The following TMEM108 variants were observed in gnomAD, a reference collection of about 807,000 sequenced individuals.
TMEM108 encodes the protein cancer/testis antigen 124.
In TMEM108, 12 loss-of-function variants were observed where a neutral mutation model predicts 35.1. The ratio of observed to expected loss-of-function variants is 0.34; its 90% CI spans 0.22 to 0.55. The LOEUF (loss-of-function observed/expected upper bound fraction) is 0.55. Among genes scored for constraint, TMEM108 ranks in the 20% least tolerant of loss-of-function variants. The pLI, the probability that TMEM108 is intolerant of heterozygous loss-of-function variation, is 0.89. For missense variants in TMEM108, 680 were observed against 753.3 expected, an observed-to-expected ratio of 0.90 and a Z score of 1.14; for synonymous variants, 287 against 308.6, an observed-to-expected ratio of 0.93 and a Z score of 0.73.
intron 2 of TMEM108, among the ~76,000 whole-genome samples, chr3:133,191,270 C>G (rs540600759): frequency 1.3e-5 from 2 of 152,220 alleles, no homozygotes; most frequent in South Asian, 2.1e-4. Context: ...ACAGTCCCCT[C>G]CAGAGCCTTA....
At chr3:133,289,796 C>G (rs537727616) in intron 3 of TMEM108, among the ~76,000 whole-genome samples, 1 of 152,158 alleles carries the variant, frequency 6.6e-6, no homozygotes, top group East Asian at 1.9e-4. Context: ...TGGACCTAAC[C>G]AAGGGCCACT....
At chr3:133,364,779 C>T (rs1022814399) in intron 3 of TMEM108, among the ~76,000 whole-genome samples, 4 of 152,208 alleles carry the variant, frequency 2.6e-5, no homozygotes, top group Admixed American at 6.5e-5. Flanking sequence ...TGTGGCAGAC[C>T]TGGTTCCCAG....
At chr3:133,334,064 G>C (rs2071442882) in intron 3 of TMEM108, among the ~76,000 whole-genome samples, 1 of 152,050 alleles carries the variant, frequency 6.6e-6, no homozygotes, top group African/African-American at 2.4e-5. Flanking sequence ...TCATTTTGCA[G>C]GTCCAAAGAA....
At position 133,380,165 on chromosome 3, in the gene TMEM108, C is replaced by T. The variant is rs761072309; in HGVS notation, c.454C>T (p.Arg152Cys). Residue 152 changes from arginine (R) to cysteine (C), a missense_variant, in exon 4 of 6, where the codon CGC becomes TGC. This residue lies in a region of TMEM108 where 526 missense variants were observed against 532.1 expected (regional missense o/e 0.99). Transcript: ENST00000321871. This position sits in a 1 kb window ranked among gnomAD's most constrained non-coding sequence, Gnocchi z 5.3. Reference sequence around the variant, plus strand: ...GACAAAGCCACCGGGGGCCACCAGCCGCCCCACCACAGCGCCCCCCCGCAC... The same window carrying T: ...GACAAAGCCACCGGGGGCCACCAGCTGCCCCACCACAGCGCCCCCCCGCAC... Reference protein sequence around the residue: ...LLTKPPGATSRPTTAPPRTTT... With the variant: ...LLTKPPGATSCPTTAPPRTTT... 1.1e-5 allele frequency: 18 copies of T among 1,612,696 alleles called. No individual in the cohort carries two copies. The African/African-American group carries it at 1.5e-4, about 13-fold the overall frequency.
intron 3 of TMEM108, among the ~76,000 whole-genome samples, chr3:133,318,567 A>C (rs1398758627): frequency 6.6e-6 from 1 of 152,188 alleles, no homozygotes; most frequent in East Asian, 1.9e-4. Flanking sequence ...CCATGTTCTC[A>C]TAAGTACCTC....
intron 3 of TMEM108, among the ~76,000 whole-genome samples, chr3:133,333,638 C>T (rs1033776764): frequency 6.6e-5 from 10 of 152,134 alleles, no homozygotes; most frequent in Non-Finnish European, 1.0e-4. Context: ...TAACCTTTGA[C>T]GTGGCATAAA....
At chr3:133,066,454 A>G (rs988071340) in intron 2 of TMEM108, among the ~76,000 whole-genome samples, 9 of 152,208 alleles carry the variant, frequency 5.9e-5, no homozygotes, top group Admixed American at 2.6e-4. Flanking sequence ...AAGCAAGATA[A>G]TAAGAATAGA....
intron 2 of TMEM108, among the ~76,000 whole-genome samples, chr3:133,193,244 T>TA (rs1426111398): frequency 1.3e-5 from 2 of 151,982 alleles, no homozygotes; most frequent in Admixed American, 6.6e-5. Context: ...TCCCCTCAGT[T>TA]AAAAAAAAGC....
chr3:133,235,560 C>T (rs75326699), intron 3 of TMEM108, among the ~76,000 whole-genome samples: 5,641 of 152,204 alleles, frequency 0.037, 351 homozygotes, highest in African/African-American at 0.13. Flanking sequence ...CCTCTGTGAG[C>T]CCTAGATGTA....
At chr3:133,151,810 G>A (rs1226237646) in intron 2 of TMEM108, among the ~76,000 whole-genome samples, 1 of 151,992 alleles carries the variant, frequency 6.6e-6, no homozygotes, top group African/African-American at 2.4e-5. Context: ...GTGGTATCTT[G>A]TCACTTTAAA....
rs562172096 is a variant in TMEM108, at chr3:133,064,073, A to G, written c.-47+18053A>G. On this transcript the variant is annotated intron_variant, in intron 2 of 5. Coordinates refer to ENST00000321871, the MANE Select transcript of TMEM108 (RefSeq NM_023943.4). ...CTTGTGTTTCTTTTGTCTGGACAGA[A>G]GAAAGCGGTAATGTCTGCCAGTCTG... Among the ~76,000 whole-genome samples the G allele has an allele frequency of 2.6e-5, 4 of 152,226 alleles. No individual in the cohort carries two copies. In the South Asian group the frequency reaches 6.2e-4, roughly 24 times the overall value.
At chr3:133,292,105 C>T (rs1947077879) in intron 3 of TMEM108, among the ~76,000 whole-genome samples, 1 of 152,168 alleles carries the variant, frequency 6.6e-6, no homozygotes, top group African/African-American at 2.4e-5. Flanking sequence ...TTAGAAAACA[C>T]TTTGTGGGAA....
intron 3 of TMEM108, among the ~76,000 whole-genome samples, chr3:133,309,793 C>T (rs2071098692): frequency 1.4e-5 from 2 of 140,158 alleles, no homozygotes; most frequent in African/African-American, 2.6e-5. Flanking sequence ...CTCCGCCTCC[C>T]GGGTTCACGC....
rs139090053 is a variant in TMEM108, at chr3:133,365,293, C to T, written c.41-14459C>T. Among the ~76,000 whole-genome samples the T allele has an allele frequency of 3.7e-3, 560 of 152,260 alleles. 1 individual carries two copies. Among genetic ancestry groups the T allele is most frequent in the Non-Finnish European group, 6.5e-3 (443 of 68,034 alleles). ...ATCATGATAAATGGAAAGAGCTAGA[C>T]AGAATCCCAACCCTGCCAGCTTATA... is the stretch of plus-strand genomic sequence containing the variant. On this transcript the variant is annotated intron_variant, in intron 3 of 5. Transcript: ENST00000321871.
intron 2 of TMEM108, among the ~76,000 whole-genome samples, chr3:133,186,026 C>A (rs1945416193): frequency 6.6e-6 from 1 of 152,164 alleles, no homozygotes; most frequent in African/African-American, 2.4e-5. Flanking sequence ...TCTCAGCCTC[C>A]CAAAGTGCTG....
At chr3:133,056,866 T>C (rs2107678776) in intron 2 of TMEM108, among the ~76,000 whole-genome samples, 1 of 152,354 alleles carries the variant, frequency 6.6e-6, no homozygotes, top group East Asian at 1.9e-4. Flanking sequence ...TTTGTTTCCT[T>C]TCATGTAAAG....
chr3:133,169,131 C>G (rs1333480680), intron 2 of TMEM108, among the ~76,000 whole-genome samples: 1 of 152,176 alleles, frequency 6.6e-6, no homozygotes, highest in Non-Finnish European at 1.5e-5. Context: ...ACACTACTCC[C>G]AAGATAACAG....
At chr3:133,114,138 A>G (rs927338072) in intron 2 of TMEM108, among the ~76,000 whole-genome samples, 3 of 152,136 alleles carry the variant, frequency 2.0e-5, no homozygotes, top group Admixed American at 1.3e-4. Context: ...CTGGAGTCTC[A>G]TGTGTGCATT....
chr3:133,283,107 ATTAC>A (rs1419850003), intron 3 of TMEM108, among the ~76,000 whole-genome samples: 1 of 152,194 alleles, frequency 6.6e-6, no homozygotes, highest in Non-Finnish European at 1.5e-5. Context: ...TCTTATCTGC[ATTAC>A]TTAGATTTTA....
Sources: gnomAD v4.1 joint callset for allele counts (sites outside exome capture counted in the v4.1 genomes callset) on GRCh38, gnomAD v4.1.1 for gene constraint, gnomAD v4.1.1 regional missense constraint, Gnocchi (gnomAD v3.1) non-coding constraint, MANE v1.5 for transcripts, NCBI Gene and HGNC (gene_info 2026-07-23, HGNC 2026-07-21) for gene names.